Variants in DVL1 observed in about 807,000 individuals in gnomAD.
DVL1 encodes the protein segment polarity protein dishevelled homolog DVL-1.
Under a neutral mutation model 65.0 loss-of-function variants are expected in DVL1, and 49 were observed. The observed-to-expected ratio is 0.75, with a 90% CI of 0.60 to 0.96. DVL1 has a LOEUF of 0.96. DVL1 is among the 40% of genes least tolerant of loss of function. The pLI, the probability that DVL1 is intolerant of heterozygous loss-of-function variation, is 0.00. For missense variants in DVL1, 1,197 were observed against 1,045.4 expected, an observed-to-expected ratio of 1.15 and a Z score of -2.00; for synonymous variants, 608 against 433.9, an observed-to-expected ratio of 1.40 and a Z score of -4.99.
chr1:1,346,387 T>C (rs1643914463), intron 1 of DVL1, among the ~76,000 whole-genome samples: 1 of 152,130 alleles, frequency 6.6e-6, no homozygotes, highest in Admixed American at 6.5e-5. Context: ...AGGCCCAGCA[T>C]CCGCCACGCA....
intron 14 of DVL1, among the ~76,000 whole-genome samples, chr1:1,336,813 G>C (rs1001267916): frequency 6.6e-6 from 1 of 152,172 alleles, no homozygotes; most frequent in Non-Finnish European, 1.5e-5. Flanking sequence ...GAAAGACTGA[G>C]GTGCCAGCGA....
chr1:1,340,846 C>T (rs942848503), intron 5 of DVL1, among the ~76,000 whole-genome samples: 32 of 148,596 alleles, frequency 2.2e-4, no homozygotes, highest in Admixed American at 2.1e-3. Flanking sequence ...CACACGCAAC[C>T]CTGCACACAT....
intron 13 of DVL1, 40 bp downstream of exon 13, chr1:1,338,229 T>TGGGGGGCG: frequency 6.6e-7 from 1 of 1,522,372 alleles, no homozygotes; most frequent in Non-Finnish European, 9.0e-7. Context: ...CCTCCGGCGT[T>TGGGGGGCG]CCCCTCCCCC....
Position 1,336,316 on chromosome 1 carries a change from G to T in DVL1, c.1914C>A (p.Ala638=). ...TGGGGTGGGGCGGGGGGAGCCCCGG[G>T]GCGGTAGCCGAGGCCTGACTGCGTG... ...SSPRSQASAT[A]PGLPPPHPTT... The change falls in exon 15 of 15, where the codon GCC becomes GCA. Residue 638 remains alanine (A), a synonymous_variant. Coordinates refer to ENST00000378888, the MANE Select transcript of DVL1 (RefSeq NM_001330311.2). The T allele has an allele frequency of 6.4e-7, 1 of 1,572,092 alleles. No homozygotes were observed. Among genetic ancestry groups the T allele is most frequent in the Non-Finnish European group, 8.6e-7 (1 of 1,165,976 alleles).
intron 1 of DVL1, among the ~76,000 whole-genome samples, chr1:1,343,792 C>G (rs1304305542): frequency 6.6e-6 from 1 of 152,210 alleles, no homozygotes; most frequent in East Asian, 1.9e-4. Context: ...GTCCACCTAG[C>G]CAGGGAGACA....
chr1:1,339,847 A>C, intron 8 of DVL1, 35 bp from the exon 9 acceptor site: 1 of 1,601,402 alleles, frequency 6.2e-7, no homozygotes, highest in Non-Finnish European at 8.5e-7. Flanking sequence ...TGCAGGCAGG[A>C]TGTGCAGCTC....
intron 1 of DVL1, among the ~76,000 whole-genome samples, chr1:1,346,539 T>C (rs1399099298): frequency 3.3e-5 from 5 of 152,178 alleles, no homozygotes; most frequent in Non-Finnish European, 7.4e-5. Flanking sequence ...CTGGGGATCT[T>C]GGGTCAGAAT....
At chr1:1,340,008 CAT>C (rs746201322) in intron 8 of DVL1, 28 bp downstream of exon 8, 8 of 1,600,528 alleles carry the variant, frequency 5.0e-6, no homozygotes, top group Middle Eastern at 3.9e-4. Context: ...CCCGCAGCTA[CAT>C]GTCACCCCGC....
At chr1:1,348,151 C>A (rs1054216842) in intron 1 of DVL1, among the ~76,000 whole-genome samples, 3 of 152,230 alleles carry the variant, frequency 2.0e-5, no homozygotes, top group Non-Finnish European at 4.4e-5. Flanking sequence ...AGGCCTCAAG[C>A]AGACCGCCAG....
Position 1,342,480 on chromosome 1 carries a change from A to C in DVL1, c.245T>G (p.Val82Gly). 2 of 1,610,344 alleles carry C rather than the reference A, an allele frequency of 1.2e-6. No individual in the cohort carries two copies. Among genetic ancestry groups the C allele is most frequent in the Non-Finnish European group, 1.7e-6 (2 of 1,179,404 alleles). Residue 82 changes from valine (V) to glycine (G), a missense_variant, in exon 3 of 15, where the codon GTC becomes GGC. By Grantham distance (109) the Val-to-Gly change is moderately radical. Transcript: ENST00000378888. ...CFNGRVVSWL[V>G]LAEGAHSDAG... ...ATCCGAGTGAGCACCCTCAGCCAGG[A>C]CCAGCTGTGGAGGGAGCAGGCATGC... is the stretch of plus-strand genomic sequence containing the variant.
intron 1 of DVL1, 148 bp from the exon 2 acceptor site, chr1:1,342,906 C>T (rs1438634254): frequency 2.7e-6 from 2 of 728,602 alleles, no homozygotes; most frequent in Middle Eastern, 3.2e-4. Context: ...TGGGAACCGT[C>T]CTTCCTCTCC....
At chr1:1,348,783 G>GGTCGCA (rs1180032529) in intron 1 of DVL1, 113 bp downstream of exon 1, 2 of 943,568 alleles carry the variant, frequency 2.1e-6, no homozygotes, top group East Asian at 9.3e-5. Context: ...GGCGCGTCGC[G>GGTCGCA]GTCGCAGGTC....
intron 1 of DVL1, among the ~76,000 whole-genome samples, chr1:1,347,796 T>G (rs1300583047): frequency 1.3e-5 from 2 of 151,812 alleles, no homozygotes; most frequent in African/African-American, 4.8e-5. Context: ...CTGAGCCGAG[T>G]GGGGAGCGCC....
At chr1:1,343,921 A>T (rs1437705740) in intron 1 of DVL1, among the ~76,000 whole-genome samples, 2 of 152,098 alleles carry the variant, frequency 1.3e-5, no homozygotes, top group Non-Finnish European at 2.9e-5. Flanking sequence ...GTCCACCCCC[A>T]GGTCAGATAG....
At chr1:1,342,225 C>T in intron 3 of DVL1, 69 bp from the exon 4 acceptor site, 2 of 1,503,784 alleles carry the variant, frequency 1.3e-6, no homozygotes, top group Non-Finnish European at 1.8e-6. Flanking sequence ...CCAGCCCAGC[C>T]TCCCCTCGCC....
Position 1,338,594 on chromosome 1 carries a change from G to A in DVL1, c.1267C>T (p.Gln423Ter). The change falls in exon 12 of 15, where the codon CAG becomes TAG. Residue 423 changes from glutamine (Q) to a stop codon, truncating the protein, a stop_gained. Transcript: ENST00000378888. LOFTEE classifies it high-confidence loss of function. ...ATCTCCAGTCCCGAGTCTGGCAGCT[G>A]CATGACCCGGACGACGGCGCTCATG... ...SDMSAVVRVM[Q>*]LPDSGLEIRD... The A allele has an allele frequency of 1.2e-6, 2 of 1,612,312 alleles. No individual in the cohort carries two copies. The highest frequency in any genetic ancestry group is 1.7e-6 in the Non-Finnish European group (2 of 1,179,864).
chr1:1,348,089 G>A (rs1440550483), intron 1 of DVL1, among the ~76,000 whole-genome samples: 7 of 152,184 alleles, frequency 4.6e-5, no homozygotes, highest in Admixed American at 4.6e-4. Flanking sequence ...CCCCAGCACT[G>A]TTGAGCTGGG....
At chr1:1,341,522 G>T in intron 5 of DVL1, 145 bp downstream of exon 5, 1 of 1,142,490 alleles carries the variant, frequency 8.8e-7, no homozygotes, top group Non-Finnish European at 1.2e-6. Context: ...CGTGCATCAT[G>T]TACACAGACA....
chr1:1,344,290 C>T (rs762590066), intron 1 of DVL1, among the ~76,000 whole-genome samples: 17 of 152,220 alleles, frequency 1.1e-4, no homozygotes, highest in Admixed American at 3.3e-4. Context: ...TGGCAGGAAG[C>T]GGCCTTGTGG....
Sources: gnomAD v4.1 joint callset for allele counts (sites outside exome capture counted in the v4.1 genomes callset) on GRCh38, gnomAD v4.1.1 for gene constraint, MANE v1.5 for transcripts, NCBI Gene and HGNC (gene_info 2026-07-23, HGNC 2026-07-21) for gene names.